Variants in MYT1L observed in about 807,000 individuals in gnomAD.
MYT1L encodes the protein myelin transcription factor 1 like.
Under a neutral mutation model 126.7 loss-of-function variants are expected in MYT1L, and 12 were observed. The observed-to-expected ratio is 0.09, with a 90% CI of 0.06 to 0.15. The LOEUF (loss-of-function observed/expected upper bound fraction) is 0.15, where lower values mean the gene tolerates loss of function less well. Ranked by LOEUF, MYT1L falls within the 10% of genes least tolerant of loss-of-function variation. The probability of loss-of-function intolerance (pLI) is 1.00; values close to 1 mark genes in which losing one functional copy is unlikely to be tolerated. For missense variants in MYT1L, 979 were observed against 1,585.2 expected, an observed-to-expected ratio of 0.62 and a Z score of 6.49; for synonymous variants, 541 against 604.2, an observed-to-expected ratio of 0.90 and a Z score of 1.53.
chr2:1,918,889 C>T (rs112787767), intron 10 of MYT1L, among the ~76,000 whole-genome samples: 35 of 152,258 alleles, frequency 2.3e-4, no homozygotes, highest in South Asian at 4.1e-4. Context: ...CACTTTATTG[C>T]CTTTTCAGTA....
intron 3 of MYT1L, among the ~76,000 whole-genome samples, chr2:2,130,240 A>G (rs1441110455): frequency 6.6e-6 from 1 of 152,124 alleles, no homozygotes; most frequent in Non-Finnish European, 1.5e-5. Context: ...CAGCCTCCTT[A>G]GCAGCTGGAA....
chr2:2,019,584 C>G (rs2064819414), intron 4 of MYT1L, among the ~76,000 whole-genome samples: 1 of 152,220 alleles, frequency 6.6e-6, no homozygotes, highest in African/African-American at 2.4e-5. Flanking sequence ...GTTCAGACTT[C>G]ATGGATAACA....
intron 2 of MYT1L, among the ~76,000 whole-genome samples, chr2:2,175,817 G>A (rs1468952961): frequency 6.6e-6 from 1 of 152,218 alleles, no homozygotes; most frequent in African/African-American, 2.4e-5. Context: ...GGCAGTCCTG[G>A]CCGCCTGTCC....
At chr2:1,937,379 C>T (rs191037329) in intron 9 of MYT1L, among the ~76,000 whole-genome samples, 3 of 151,988 alleles carry the variant, frequency 2.0e-5, no homozygotes, top group East Asian at 3.9e-4. Context: ...CCCTAATGTC[C>T]GCGGCCATCA....
intron 3 of MYT1L, among the ~76,000 whole-genome samples, chr2:2,084,291 A>G (rs952533586): frequency 6.6e-6 from 1 of 152,248 alleles, no homozygotes; most frequent in Non-Finnish European, 1.5e-5. Context: ...GTCCTAAAGA[A>G]GGGAGCAGGC....
chr2:2,001,003 C>T (rs1353286470), intron 4 of MYT1L, among the ~76,000 whole-genome samples: 1 of 152,138 alleles, frequency 6.6e-6, no homozygotes, highest in African/African-American at 2.4e-5. Context: ...TCTTCTCTTC[C>T]TGTTGGTTTT....
chr2:1,933,747 G>A (rs182521517), intron 9 of MYT1L, among the ~76,000 whole-genome samples: 163 of 152,256 alleles, frequency 1.1e-3, no homozygotes, highest in African/African-American at 3.8e-3. Flanking sequence ...GCTATAGAAG[G>A]TGACAGGACA....
At chr2:2,185,122 A>G (rs1166894124) in intron 2 of MYT1L, among the ~76,000 whole-genome samples, 11 of 152,134 alleles carry the variant, frequency 7.2e-5, no homozygotes, top group Admixed American at 7.2e-4. Context: ...TTCCATATCC[A>G]TCCAATAACT....
chr2:1,931,243 A>C (rs549435085), intron 9 of MYT1L, among the ~76,000 whole-genome samples: 1 of 152,304 alleles, frequency 6.6e-6, no homozygotes, highest in South Asian at 2.1e-4. Context: ...ACACCTGGAG[A>C]GATTGATACC....
intron 5 of MYT1L, among the ~76,000 whole-genome samples, chr2:1,986,069 C>A (rs145068207): frequency 6.6e-6 from 1 of 152,206 alleles, no homozygotes; most frequent in Non-Finnish European, 1.5e-5. Context: ...GGCAGGTGGA[C>A]GTCCTGACGG....
At position 2,079,926 on chromosome 2, in the gene MYT1L, T is replaced by C. The variant is rs547512850; in HGVS notation, c.-303-25803A>G. 1.6e-4 allele frequency among the ~76,000 whole-genome samples: 25 copies of C among 152,134 alleles called. No homozygotes were observed. In the South Asian group the frequency reaches 5.2e-3, roughly 32 times the overall value. On this transcript the variant is annotated intron_variant, in intron 3 of 24. Transcript: ENST00000647738. ...ATAAACAAGTAAGTGAATAAATAAA[T>C]AAACAACAAACAGTAACTGAGAGAG...
chr2:2,242,173 G>A (rs1231636640), intron 2 of MYT1L, among the ~76,000 whole-genome samples: 2 of 152,162 alleles, frequency 1.3e-5, no homozygotes, highest in East Asian at 1.9e-4. Flanking sequence ...TCATTATTAG[G>A]AAGCTTAAAA....
intron 3 of MYT1L, among the ~76,000 whole-genome samples, chr2:2,128,026 A>G (rs1319459897): frequency 6.6e-6 from 1 of 152,266 alleles, no homozygotes; most frequent in African/African-American, 2.4e-5. Flanking sequence ...ATTACTTTAA[A>G]TTGGAAAGTA....
At chr2:2,184,431 C>G (rs2091901555) in intron 2 of MYT1L, among the ~76,000 whole-genome samples, 1 of 152,028 alleles carries the variant, frequency 6.6e-6, no homozygotes, top group East Asian at 1.9e-4. Context: ...AATCCACTGA[C>G]GTTTATTTTC....
At chr2:2,252,763 C>T (rs1318936660) in intron 2 of MYT1L, among the ~76,000 whole-genome samples, 1 of 152,110 alleles carries the variant, frequency 6.6e-6, no homozygotes, top group Non-Finnish European at 1.5e-5. Context: ...CTCACCTCCC[C>T]CACGAAAAGC....
chr2:2,210,862 T>C lies in MYT1L; in HGVS notation c.-420-37874A>G, dbSNP rs186870510. The stretch of plus-strand genomic sequence containing the variant: ...TATTGATTCTTCCAATCCATGAACA[T>C]GGAATACCTTTCCATTTTTTTGTTT... On this transcript the variant is annotated intron_variant, in intron 2 of 24. Transcript: ENST00000647738. 9.9e-5 allele frequency among the ~76,000 whole-genome samples: 15 copies of C among 152,280 alleles called. 2 individuals are homozygous for C. Among genetic ancestry groups the C allele is most frequent in the African/African-American group, 3.6e-4 (15 of 41,572 alleles).
intron 1 of MYT1L, among the ~76,000 whole-genome samples, chr2:2,288,816 T>C (rs2095558550): frequency 6.6e-6 from 1 of 152,212 alleles, no homozygotes. Flanking sequence ...ATACACATGT[T>C]CAGCTTGAAC....
chr2:1,905,062 T>C (rs1287505263), intron 13 of MYT1L, among the ~76,000 whole-genome samples: 1 of 151,860 alleles, frequency 6.6e-6, no homozygotes, highest in South Asian at 2.1e-4. Flanking sequence ...CTAAGTTTTG[T>C]ATTTTTAGTA....
At chr2:2,206,796 A>G (rs1444992472) in intron 2 of MYT1L, among the ~76,000 whole-genome samples, 2 of 152,164 alleles carry the variant, frequency 1.3e-5, no homozygotes, top group African/African-American at 2.4e-5. Context: ...CTCTCCTACT[A>G]TAGACCAGTG....
Sources: allele counts gnomAD v4.1 joint callset (sites outside exome capture counted in the v4.1 genomes callset), GRCh38; gene constraint gnomAD v4.1.1; transcripts MANE v1.5; gene names NCBI Gene and HGNC (gene_info 2026-07-23, HGNC 2026-07-21).